The following MSI2 variants were observed in gnomAD, a reference collection of about 807,000 sequenced individuals.
MSI2 encodes the protein musashi RNA binding protein 2.
MSI2 carries 17 observed loss-of-function variants against 45.6 expected under a neutral mutation model. The observed-to-expected ratio is 0.37, with a 90% confidence interval of 0.26 to 0.56. The LOEUF (loss-of-function observed/expected upper bound fraction) is 0.56, where lower values mean the gene tolerates loss of function less well. Ranked by LOEUF, MSI2 falls within the 20% of genes least tolerant of loss-of-function variation. The pLI is 0.77. For missense variants in MSI2, 293 were observed against 444.2 expected (o/e 0.66, Z 3.06); for synonymous variants, 156 against 158.2 (o/e 0.99, Z 0.11).
intron 5 of MSI2, among the ~76,000 whole-genome samples, chr17:57,364,520 G>C (rs948229540): frequency 6.6e-6 from 1 of 152,148 alleles, no homozygotes; most frequent in East Asian, 1.9e-4. Flanking sequence ...TTATTTCAAG[G>C]AACACAATCC....
chr17:57,407,436 G>A lies in MSI2; in HGVS notation c.405+5965G>A, dbSNP rs372044611. On this transcript the variant is annotated intron_variant, in intron 6 of 13. Coordinates refer to ENST00000284073, the MANE Select transcript of MSI2 (RefSeq NM_138962.4). The surrounding 1 kb of genome is among the most constrained non-coding windows in gnomAD (Gnocchi z 4.1). ...TGTGAGAAGATAAATAAGCCTGAGA[G>A]TGGACTGTGATCCTCAGGTAGTGTT... is the stretch of plus-strand genomic sequence containing the variant. Among the ~76,000 whole-genome samples the A allele has an allele frequency of 6.6e-6, 1 of 152,212 alleles. No homozygotes were observed. Among genetic ancestry groups the A allele is most frequent in the African/African-American group, 2.4e-5 (1 of 41,450 alleles).
chr17:57,481,137 G>A (rs2085639564), intron 6 of MSI2, among the ~76,000 whole-genome samples: 1 of 152,172 alleles, frequency 6.6e-6, no homozygotes, highest in African/African-American at 2.4e-5. Context: ...TGGGTGCAAG[G>A]AAATCTGGGT....
intron 5 of MSI2, among the ~76,000 whole-genome samples, chr17:57,310,625 C>T (rs573154485): frequency 1.3e-5 from 2 of 152,328 alleles, no homozygotes; most frequent in Admixed American, 6.5e-5. Context: ...TGTGCTTGGC[C>T]GACTGTGTCA....
At chr17:57,535,020 G>A (rs2086893397) in intron 7 of MSI2, among the ~76,000 whole-genome samples, 1 of 152,230 alleles carries the variant, frequency 6.6e-6, no homozygotes, top group Non-Finnish European at 1.5e-5. Context: ...GGAGGGACAG[G>A]GAGGGAAGAG....
chr17:57,678,151 T>A (rs1302505781), intron 13 of MSI2, among the ~76,000 whole-genome samples: 1 of 152,240 alleles, frequency 6.6e-6, no homozygotes, highest in Admixed American at 6.5e-5. Flanking sequence ...GGATTGCTCC[T>A]GGCTCCTGAG....
intron 5 of MSI2, among the ~76,000 whole-genome samples, chr17:57,312,642 T>C (rs1912493627): frequency 6.6e-6 from 1 of 152,224 alleles, no homozygotes; most frequent in Non-Finnish European, 1.5e-5. Flanking sequence ...TGAAGATGCC[T>C]GGGCTGTGTT....
intron 9 of MSI2, among the ~76,000 whole-genome samples, chr17:57,623,197 A>C (rs571317671): frequency 6.6e-6 from 1 of 152,122 alleles, no homozygotes; most frequent in Admixed American, 6.5e-5. Flanking sequence ...TGCAGACCTC[A>C]TGGAGCCGAT....
intron 6 of MSI2, among the ~76,000 whole-genome samples, chr17:57,474,197 G>A (rs1384341084): frequency 6.6e-6 from 1 of 152,102 alleles, no homozygotes; most frequent in African/African-American, 2.4e-5. Context: ...GCCTCTAGAT[G>A]TGCACTGGTA....
intron 10 of MSI2, chr17:57,628,419 T>C (rs1053592346): frequency 3.3e-5 from 5 of 152,090 alleles, no homozygotes; most frequent in East Asian, 1.9e-4. Flanking sequence ...AAGGGTGTAG[T>C]TGGAGAGATG....
chr17:57,300,873 A>G (rs557848413), intron 5 of MSI2, among the ~76,000 whole-genome samples: 11 of 152,332 alleles, frequency 7.2e-5, no homozygotes, highest in South Asian at 2.1e-4. Flanking sequence ...CGATTCAATT[A>G]TCTTCCACTG....
At chr17:57,366,617 C>G (rs1361577646) in intron 5 of MSI2, among the ~76,000 whole-genome samples, 1 of 152,256 alleles carries the variant, frequency 6.6e-6, no homozygotes, top group Non-Finnish European at 1.5e-5. Flanking sequence ...TCTTTGCTCC[C>G]TACGGGTTGT....
chr17:57,305,911 A>G (rs1911840141), intron 5 of MSI2, among the ~76,000 whole-genome samples: 1 of 152,182 alleles, frequency 6.6e-6, no homozygotes, highest in Non-Finnish European at 1.5e-5. Context: ...CTCAATCTAT[A>G]TTTAAAGAGG....
intron 7 of MSI2, among the ~76,000 whole-genome samples, chr17:57,584,974 C>G (rs1322187023): frequency 6.6e-6 from 1 of 152,026 alleles, no homozygotes; most frequent in Non-Finnish European, 1.5e-5. Context: ...TGCGCCACCA[C>G]TCCTGGCTCG....
intron 9 of MSI2, chr17:57,616,291 G>A: frequency 6.5e-6 from 3 of 462,694 alleles, no homozygotes; most frequent in South Asian, 3.9e-5. Flanking sequence ...ATGTGTGTGT[G>A]TGTGTGTGTG....
chr17:57,681,353 A>G lies in MSI2; in HGVS notation c.*1836A>G, dbSNP rs1031484438. On this transcript the variant is annotated 3_prime_UTR_variant, in exon 14 of 14. Coordinates refer to ENST00000284073, the MANE Select transcript of MSI2 (RefSeq NM_138962.4). ...GTGGATATATATTTTTTCTTTTTTA[A>G]AATGTGATATTGACGTTTTATTAAT... is the stretch of plus-strand genomic sequence containing the variant. The G allele has an allele frequency of 1.1e-5, 2 of 180,408 alleles. No individual in the cohort carries two copies. Among genetic ancestry groups the G allele is most frequent in the Non-Finnish European group, 2.4e-5 (2 of 84,422 alleles). The allele number at this position is 180,408 out of a possible 1,614,324, so 11.2% of individuals were successfully genotyped here. A position where few individuals can be genotyped will look rare whatever the true frequency, so the allele number is the denominator to read the frequency against.
At chr17:57,385,129 C>T (rs1219918880) in intron 5 of MSI2, among the ~76,000 whole-genome samples, 3 of 152,200 alleles carry the variant, frequency 2.0e-5, no homozygotes, top group African/African-American at 7.2e-5. Context: ...ACCGTTCTTA[C>T]AGGCTCTATT....
chr17:57,675,158 T>C lies in MSI2; in HGVS notation c.945+32T>C, dbSNP rs1467683903. 3.1e-6 allele frequency: 5 copies of C among 1,592,056 alleles called. No individual in the cohort carries two copies. The East Asian group carries it at 8.9e-5, about 28-fold the overall frequency. On this transcript the variant is annotated intron_variant, in intron 12 of 13. Coordinates refer to ENST00000284073, the MANE Select transcript of MSI2 (RefSeq NM_138962.4). ...ACCTGCCTTCCCCTGCCCTCCTGCC[T>C]CCTCCTTCCTGACCAGCTCCTTGTG...
chr17:57,354,298 G>T (rs910896876), intron 5 of MSI2, among the ~76,000 whole-genome samples: 1 of 152,150 alleles, frequency 6.6e-6, no homozygotes, highest in African/African-American at 2.4e-5. Flanking sequence ...GTGTAAGGAC[G>T]TGGTATGGCC....
intron 5 of MSI2, among the ~76,000 whole-genome samples, chr17:57,396,893 GT>G (rs1298027660): frequency 2.6e-5 from 4 of 152,224 alleles, no homozygotes; most frequent in African/African-American, 9.6e-5. Context: ...AGAGGGGGCT[GT>G]CCCCACATGG....
Sources: gnomAD v4.1 joint callset for allele counts (sites outside exome capture counted in the v4.1 genomes callset) on GRCh38, gnomAD v4.1.1 for gene constraint, Gnocchi (gnomAD v3.1) non-coding constraint, MANE v1.5 for transcripts, NCBI Gene and HGNC (gene_info 2026-07-23, HGNC 2026-07-21) for gene names.